ADAMTS6: variants seen among roughly 807,000 people sequenced by gnomAD.
ADAMTS6 encodes A disintegrin and metalloproteinase with thrombospondin motifs 6.
Under a neutral mutation model 144.3 loss-of-function variants are expected in ADAMTS6, and 23 were observed. The observed-to-expected ratio is 0.16, with a 90% CI of 0.11 to 0.23. The LOEUF is 0.23. Among genes scored for constraint, ADAMTS6 ranks in the 10% least tolerant of loss-of-function variants. The probability of loss-of-function intolerance (pLI) is 1.00; values close to 1 mark genes in which losing one functional copy is unlikely to be tolerated. For missense variants in ADAMTS6, 999 were observed against 1,379.6 expected, an observed-to-expected ratio of 0.72 and a Z score of 4.37; for synonymous variants, 444 against 457.5, an observed-to-expected ratio of 0.97 and a Z score of 0.38.
At chr5:65,385,592 TTTA>T (rs537655671) in intron 7 of ADAMTS6, among the ~76,000 whole-genome samples, 44 of 152,300 alleles carry the variant, frequency 2.9e-4, no homozygotes, top group East Asian at 9.6e-4. Flanking sequence ...TTTTATTTTA[TTTA>T]TTGTTATATT....
chr5:65,471,714 C>A (rs1350565835), intron 2 of ADAMTS6, among the ~76,000 whole-genome samples: 1 of 151,546 alleles, frequency 6.6e-6, no homozygotes, highest in Non-Finnish European at 1.5e-5. Context: ...GCCGAGATTG[C>A]GCCACTGCAC....
intron 21 of ADAMTS6, among the ~76,000 whole-genome samples, chr5:65,189,665 T>C (rs1347683088): frequency 6.6e-6 from 1 of 152,238 alleles, no homozygotes. Context: ...ATTTGCTGAA[T>C]GTCTACTACG....
intron 7 of ADAMTS6, among the ~76,000 whole-genome samples, chr5:65,366,031 TACCATA>T: frequency 6.6e-6 from 1 of 152,192 alleles, no homozygotes; most frequent in East Asian, 1.9e-4. Context: ...TCTCTTTTGG[TACCATA>T]GGTACAAAGT....
chr5:65,196,156 T>A (rs542476089), intron 21 of ADAMTS6, among the ~76,000 whole-genome samples: 2 of 152,206 alleles, frequency 1.3e-5, no homozygotes, highest in Non-Finnish European at 2.9e-5. Flanking sequence ...GAATATAGGA[T>A]GCCTTACAAC....
chr5:65,307,450 C>T (rs754080047), intron 9 of ADAMTS6, among the ~76,000 whole-genome samples: 2 of 152,160 alleles, frequency 1.3e-5, no homozygotes, highest in East Asian at 1.9e-4. Flanking sequence ...AGGAGACTCA[C>T]GAGGTTAAAA....
chr5:65,397,468 C>T (rs534442307), intron 7 of ADAMTS6, among the ~76,000 whole-genome samples: 1 of 141,344 alleles, frequency 7.1e-6, no homozygotes, highest in South Asian at 2.4e-4. Context: ...TCCCTCTATG[C>T]ACTGCTTTTG....
At chr5:65,196,391 T>C (rs138663320) in intron 21 of ADAMTS6, among the ~76,000 whole-genome samples, 2,096 of 151,178 alleles carry the variant, frequency 0.014, 39 homozygotes, top group African/African-American at 0.03. Flanking sequence ...GGTGTGGTGG[T>C]GGGCGCCTGT....
At chr5:65,179,465 G>A (rs1365239970) in intron 22 of ADAMTS6, among the ~76,000 whole-genome samples, 10 of 152,104 alleles carry the variant, frequency 6.6e-5, no homozygotes, top group African/African-American at 2.4e-4. Flanking sequence ...AAAGAAAAAG[G>A]GGTGCCCAAA....
At chr5:65,445,325 C>T (rs1758183385) in intron 7 of ADAMTS6, among the ~76,000 whole-genome samples, 1 of 152,002 alleles carries the variant, frequency 6.6e-6, no homozygotes, top group African/African-American at 2.4e-5. Flanking sequence ...CATGCTCTTT[C>T]AGTTTTTTTG....
rs1749051856 is a variant in ADAMTS6 at position 65,353,566 on chromosome 5, A to T, written c.1074-19481T>A. ...TATTCTTTAGTTTCTAGTTAAATAA[A>T]ATTACTGTGATATTTATCAATGATT... On this transcript the variant is annotated intron_variant, in intron 7 of 24. Transcript: ENST00000381055. Among the ~76,000 whole-genome samples, 7 of 152,124 alleles carry T rather than the reference A, an allele frequency of 4.6e-5. No individual in the cohort carries two copies. In the South Asian group the frequency reaches 1.4e-3, roughly 31 times the overall value.
intron 15 of ADAMTS6, among the ~76,000 whole-genome samples, chr5:65,231,023 G>A (rs995332980): frequency 6.6e-6 from 1 of 150,430 alleles, no homozygotes; most frequent in Non-Finnish European, 1.5e-5. Context: ...GATATAACTA[G>A]TAAGTAATTA....
intron 7 of ADAMTS6, among the ~76,000 whole-genome samples, chr5:65,383,651 C>T (rs989123590): frequency 6.6e-6 from 1 of 152,144 alleles, no homozygotes; most frequent in African/African-American, 2.4e-5. Context: ...TGTGGCTCTC[C>T]CGGGCTGGAA....
intron 3 of ADAMTS6, among the ~76,000 whole-genome samples, chr5:65,462,071 CTTTAA>C (rs980356708): frequency 6.6e-6 from 1 of 152,152 alleles, no homozygotes; most frequent in Non-Finnish European, 1.5e-5. Context: ...CCATTGTTTG[CTTTAA>C]TTTAAGGAAA....
At chr5:65,269,080 A>G (rs1354463525) in intron 12 of ADAMTS6, among the ~76,000 whole-genome samples, 2 of 152,202 alleles carry the variant, frequency 1.3e-5, no homozygotes, top group Non-Finnish European at 2.9e-5. Flanking sequence ...GGAGACACAC[A>G]AACTCATGCT....
At chr5:65,288,270 T>A (rs1049408415) in intron 11 of ADAMTS6, among the ~76,000 whole-genome samples, 7 of 151,914 alleles carry the variant, frequency 4.6e-5, no homozygotes, top group African/African-American at 1.5e-4. Flanking sequence ...GCAGTATAGA[T>A]CCTTCGGTAG....
intron 15 of ADAMTS6, among the ~76,000 whole-genome samples, chr5:65,230,025 A>T (rs1204319087): frequency 2.6e-5 from 4 of 152,118 alleles, no homozygotes; most frequent in African/African-American, 9.6e-5. Context: ...TTCATAACAT[A>T]CAAGGGAACT....
At chr5:65,266,121 G>A (rs1761611612) in intron 12 of ADAMTS6, among the ~76,000 whole-genome samples, 1 of 151,856 alleles carries the variant, frequency 6.6e-6, no homozygotes, top group South Asian at 2.1e-4. Flanking sequence ...AGAGCTACAA[G>A]AATACTTAAA....
chr5:65,312,339 A>G (rs1744575548), intron 9 of ADAMTS6, among the ~76,000 whole-genome samples: 1 of 152,130 alleles, frequency 6.6e-6, no homozygotes, highest in Middle Eastern at 3.4e-3. Context: ...CCATTAGAGA[A>G]CTGTTCTTAT....
rs115989411 is a variant in ADAMTS6 at position 65,240,262 on chromosome 5, G to A, written c.1933+1842C>T. Among the ~76,000 whole-genome samples, 914 of 151,980 alleles carry A rather than the reference G, an allele frequency of 6.0e-3. 8 individuals are homozygous for A. The highest frequency in any genetic ancestry group is 0.021 in the African/African-American group (863 of 41,438). ...TGGGCTTACAGGTGTCTGCTACTGC[G>A]CTTGGCTAGAGTGAACCACTTCTAT... On this transcript the variant is annotated intron_variant, in intron 15 of 24. Transcript: ENST00000381055.
Sources: allele counts gnomAD v4.1 joint callset (sites outside exome capture counted in the v4.1 genomes callset), GRCh38; gene constraint gnomAD v4.1.1; transcripts MANE v1.5; gene names NCBI Gene and HGNC (gene_info 2026-07-23, HGNC 2026-07-21).